GALNTL6: variants seen among roughly 807,000 people sequenced by gnomAD.
GALNTL6 encodes the protein polypeptide N-acetylgalactosaminyltransferase like 6, also known as polypeptide N-acetylgalactosaminyltransferase-like 6.
GALNTL6 carries 46 observed loss-of-function variants against 73.7 expected under a neutral mutation model. The ratio of observed to expected loss-of-function variants is 0.62; its 90% CI spans 0.49 to 0.80. GALNTL6 has a LOEUF of 0.80. GALNTL6 is among the 30% of genes least tolerant of loss of function. The pLI, the probability that GALNTL6 is intolerant of heterozygous loss-of-function variation, is 0.00. For synonymous variants in GALNTL6, 259 were observed against 263.7 expected (o/e 0.98, Z 0.17); for missense variants, 604 against 755.0 (o/e 0.80, Z 2.34).
At chr4:172,547,211 C>T (rs1381110053) in intron 5 of GALNTL6, among the ~76,000 whole-genome samples, 2 of 151,964 alleles carry the variant, frequency 1.3e-5, no homozygotes, top group African/African-American at 2.4e-5. Context: ...AGAATGCAGG[C>T]CTTGAAGGTG....
chr4:172,886,623 C>T (rs1489443029), intron 8 of GALNTL6, among the ~76,000 whole-genome samples: 2 of 152,036 alleles, frequency 1.3e-5, no homozygotes, highest in Non-Finnish European at 2.9e-5. Flanking sequence ...ATTAGTTGGG[C>T]GTGGTGGCGC....
chr4:172,419,486 C>T (rs570710292), intron 5 of GALNTL6, among the ~76,000 whole-genome samples: 6 of 152,210 alleles, frequency 3.9e-5, no homozygotes, highest in Admixed American at 2.0e-4. Context: ...AATGTCTTTG[C>T]AACATTTAAT....
intron 2 of GALNTL6, among the ~76,000 whole-genome samples, chr4:172,228,672 C>A (rs1173904949): frequency 6.6e-6 from 1 of 151,894 alleles, no homozygotes; most frequent in Non-Finnish European, 1.5e-5. Context: ...TTTCTTCATT[C>A]AGTGGATGTA....
intron 2 of GALNTL6, among the ~76,000 whole-genome samples, chr4:171,909,183 A>G (rs926477462): frequency 2.6e-5 from 4 of 151,664 alleles, no homozygotes; most frequent in Admixed American, 6.6e-5. Context: ...AAAGAAAAAA[A>G]AAAAAGAAAA....
chr4:172,021,852 A>G (rs1235823044), intron 2 of GALNTL6, among the ~76,000 whole-genome samples: 2 of 152,128 alleles, frequency 1.3e-5, no homozygotes, highest in East Asian at 3.9e-4. Flanking sequence ...TAATCTGTTC[A>G]ATAAATGGTC....
chr4:172,079,241 G>T (rs1347151597), intron 2 of GALNTL6, among the ~76,000 whole-genome samples: 1 of 151,874 alleles, frequency 6.6e-6, no homozygotes, highest in African/African-American at 2.4e-5. Context: ...CATTAGATCA[G>T]CAAAATGTAT....
chr4:172,204,840 T>G, intron 2 of GALNTL6, among the ~76,000 whole-genome samples: 1 of 152,192 alleles, frequency 6.6e-6, no homozygotes, highest in East Asian at 1.9e-4. Flanking sequence ...CTAGGGATAG[T>G]TAATAACTAT....
At chr4:172,081,071 T>G (rs1179355529) in intron 2 of GALNTL6, among the ~76,000 whole-genome samples, 2 of 152,156 alleles carry the variant, frequency 1.3e-5, no homozygotes, top group African/African-American at 4.8e-5. Context: ...ATGTACTATG[T>G]TTAAATAACA....
chr4:172,563,405 T>C (rs1560809809), intron 5 of GALNTL6, among the ~76,000 whole-genome samples: 1 of 152,212 alleles, frequency 6.6e-6, no homozygotes, highest in Non-Finnish European at 1.5e-5. Flanking sequence ...GTATCCCTCA[T>C]GCAAGCATTA....
intron 5 of GALNTL6, among the ~76,000 whole-genome samples, chr4:172,770,721 T>A (rs1031327722): frequency 6.6e-6 from 1 of 152,354 alleles, no homozygotes; most frequent in East Asian, 1.9e-4. Context: ...TCTGCCATCA[T>A]GAAGATGTAG....
At chr4:172,882,646 A>G in intron 7 of GALNTL6, 144 bp from the exon 8 acceptor site, 3 of 640,474 alleles carry the variant, frequency 4.7e-6, no homozygotes, top group East Asian at 2.8e-5. Context: ...TGAGAACCCT[A>G]TATCCACTTA....
At chr4:172,225,698 G>A (rs28655091) in intron 2 of GALNTL6, among the ~76,000 whole-genome samples, 2,178 of 152,196 alleles carry the variant, frequency 0.014, 57 homozygotes, top group African/African-American at 0.05. Context: ...AGAGGTTGCA[G>A]TGAGCCAAGA....
chr4:172,379,200 C>G (rs1192720865), intron 5 of GALNTL6, among the ~76,000 whole-genome samples: 1 of 152,150 alleles, frequency 6.6e-6, no homozygotes, highest in Non-Finnish European at 1.5e-5. Flanking sequence ...TCTACAGCAT[C>G]TAAATAAAGT....
intron 9 of GALNTL6, among the ~76,000 whole-genome samples, chr4:172,946,478 C>T (rs1306057719): frequency 1.3e-5 from 2 of 152,182 alleles, no homozygotes; most frequent in Non-Finnish European, 2.9e-5. Flanking sequence ...TTTCCTCATG[C>T]TGTACACCAA....
At chr4:172,393,143 A>G (rs1045010566) in intron 5 of GALNTL6, among the ~76,000 whole-genome samples, 9 of 152,196 alleles carry the variant, frequency 5.9e-5, no homozygotes, top group African/African-American at 2.2e-4. Context: ...ATTGTCTTCC[A>G]TGAAACTGAG....
At chr4:172,177,924 G>A (rs1464271025) in intron 2 of GALNTL6, among the ~76,000 whole-genome samples, 1 of 149,280 alleles carries the variant, frequency 6.7e-6, no homozygotes, top group Admixed American at 6.7e-5. Flanking sequence ...TAGTTTATTT[G>A]TGTGTTCTTC....
chr4:172,118,317 T>C (rs1237632792), intron 2 of GALNTL6, among the ~76,000 whole-genome samples: 2 of 152,142 alleles, frequency 1.3e-5, no homozygotes, highest in Non-Finnish European at 2.9e-5. Context: ...GGTTAAGAGG[T>C]ACATAAAGTT....
At chr4:172,572,033 C>T (rs538935162) in intron 5 of GALNTL6, among the ~76,000 whole-genome samples, 1 of 152,140 alleles carries the variant, frequency 6.6e-6, no homozygotes, top group Non-Finnish European at 1.5e-5. Flanking sequence ...CCATATCTTT[C>T]AATTGGCAGG....
chr4:172,913,419 A>G (rs1302763842), intron 8 of GALNTL6, among the ~76,000 whole-genome samples: 1 of 152,208 alleles, frequency 6.6e-6, no homozygotes, highest in African/African-American at 2.4e-5. Context: ...TAGGCTTCAG[A>G]AGGTTGGTAA....
Sources: gnomAD v4.1 joint callset for allele counts (sites outside exome capture counted in the v4.1 genomes callset) on GRCh38, gnomAD v4.1.1 for gene constraint, MANE v1.5 for transcripts, NCBI Gene and HGNC (gene_info 2026-07-23, HGNC 2026-07-21) for gene names.